Variants in LMTK2 observed in about 807,000 individuals in gnomAD.
LMTK2 encodes lemur tail kinase 2.
Under a neutral mutation model 127.5 loss-of-function variants are expected in LMTK2, and 37 were observed. The observed-to-expected ratio is 0.29, with a 90% CI of 0.22 to 0.38. The LOEUF (loss-of-function observed/expected upper bound fraction) is 0.38, where lower values mean the gene tolerates loss of function less well. LMTK2 is among the 10% of genes least tolerant of loss of function. The pLI is 1.00. For missense variants in LMTK2, 1,694 were observed against 1,920.3 expected, an observed-to-expected ratio of 0.88 and a Z score of 2.20; for synonymous variants, 819 against 810.1, an observed-to-expected ratio of 1.01 and a Z score of -0.19.
At chr7:98,144,751 T>C (rs1796745719) in intron 3 of LMTK2, among the ~76,000 whole-genome samples, 1 of 151,938 alleles carries the variant, frequency 6.6e-6, no homozygotes, top group Non-Finnish European at 1.5e-5. Context: ...TCCTCCTTTT[T>C]TTTTTTTTTT....
intron 1 of LMTK2, among the ~76,000 whole-genome samples, chr7:98,131,314 A>G (rs1796517171): frequency 6.6e-6 from 1 of 152,166 alleles, no homozygotes; most frequent in South Asian, 2.1e-4. Context: ...AATAACATCC[A>G]TATGTTGGAA....
chr7:98,154,691 G>A (rs370092218), intron 4 of LMTK2, 67 bp from the exon 5 acceptor site: 121 of 999,600 alleles, frequency 1.2e-4, no homozygotes, highest in Non-Finnish European at 1.5e-4. Context: ...TCCATTTCCC[G>A]GTAAATGCAG....
intron 11 of LMTK2, among the ~76,000 whole-genome samples, chr7:98,201,015 A>G (rs1440445208): frequency 6.6e-6 from 1 of 151,872 alleles, no homozygotes; most frequent in Non-Finnish European, 1.5e-5. Context: ...AAATTTAACT[A>G]GCTTTTCTTT....
chr7:98,157,268 G>C (rs913840389), intron 5 of LMTK2, among the ~76,000 whole-genome samples: 28 of 148,532 alleles, frequency 1.9e-4, no homozygotes, highest in Non-Finnish European at 3.7e-4. Context: ...TAGGTAGGTA[G>C]GTAGGTAGGT....
At chr7:98,150,788 A>G (rs560407801) in intron 3 of LMTK2, among the ~76,000 whole-genome samples, 1 of 152,350 alleles carries the variant, frequency 6.6e-6, no homozygotes, top group South Asian at 2.1e-4. Flanking sequence ...TGGTTGCATA[A>G]CATTTTAGAA....
Position 98,172,201 on chromosome 7 carries a change from G to T in LMTK2, c.791+527G>T, listed in dbSNP as rs535250350. ...GGGATCCGATCTGATGAGGCCCCCCGCTCCCGGGTGGGTAGTCAGGGGCTG... is the reference window on the plus strand; with the variant it reads ...GGGATCCGATCTGATGAGGCCCCCCTCTCCCGGGTGGGTAGTCAGGGGCTG... On this transcript the variant is annotated intron_variant, in intron 7 of 13. Transcript: ENST00000297293. Among the ~76,000 whole-genome samples, 15 of 152,290 alleles carry T rather than the reference G, an allele frequency of 9.8e-5. No individual in the cohort carries two copies. The South Asian group carries it at 2.9e-3, about 29-fold the overall frequency.
chr7:98,192,274 T>C lies in LMTK2; in HGVS notation c.1809T>C (p.Asp603=), dbSNP rs1797540140. ...TTGAACTTGAGGAGTCCAGTACAGA[T>C]GAGGACTTCTTCCAAAGCAGTACAG... ...RSVELEESST[D]EDFFQSSTDP... The change falls in exon 11 of 14, where the codon GAT becomes GAC. Residue 603 remains aspartate (D), a synonymous_variant. Transcript: ENST00000297293. The C allele has an allele frequency of 6.5e-7, 1 of 1,532,540 alleles. No individual in the cohort carries two copies. The highest frequency in any genetic ancestry group is 8.7e-7 in the Non-Finnish European group (1 of 1,145,558). 94.9% of individuals were successfully genotyped at this position (1,532,540 alleles called of 1,614,324 possible). A position where few individuals can be genotyped will look rare whatever the true frequency, so the allele number is the denominator to read the frequency against.
rs770009417 is a variant in LMTK2 at position 98,171,693 on chromosome 7, G to T, written c.791+19G>T. The T allele has an allele frequency of 6.4e-7, 1 of 1,551,292 alleles. No individual in the cohort carries two copies. The highest frequency in any genetic ancestry group is 8.7e-7 in the Non-Finnish European group (1 of 1,151,742). On this transcript the variant is annotated intron_variant, in intron 7 of 13. Transcript: ENST00000297293. The surrounding 1 kb of genome is among the most constrained non-coding windows in gnomAD (Gnocchi z 5.1). ...TGCACAGGTGGGTACCTGCGTCAGCGGTGCACGCCCCACACAGCACCGGCG... is the reference window on the plus strand; with the variant it reads ...TGCACAGGTGGGTACCTGCGTCAGCTGTGCACGCCCCACACAGCACCGGCG...
Position 98,171,817 on chromosome 7 carries a change from C to A in LMTK2, c.791+143C>A. On this transcript the variant is annotated intron_variant, in intron 7 of 13. Transcript: ENST00000297293. This position sits in a 1 kb window ranked among gnomAD's most constrained non-coding sequence, Gnocchi z 5.1. Reference sequence around the variant, plus strand: ...GTAGGTAGAAGCGATCTCGTTCTTACCCATGTCCGGATAAGGGTTGAGTTG... The same window carrying A: ...GTAGGTAGAAGCGATCTCGTTCTTAACCATGTCCGGATAAGGGTTGAGTTG... 1.1e-6 allele frequency: 1 copy of A among 904,206 alleles called. No individual in the cohort carries two copies. Among genetic ancestry groups the A allele is most frequent in the Non-Finnish European group, 1.6e-6 (1 of 629,002 alleles). The allele number at this position is 904,206 out of a possible 1,614,324, so 56.0% of individuals were successfully genotyped here.
rs373354890 is a variant in LMTK2 at position 98,154,805 on chromosome 7, C to T, written c.498C>T (p.Ile166=). The T allele has an allele frequency of 2.3e-5, 37 of 1,613,724 alleles. No individual in the cohort carries two copies. The East Asian group carries it at 5.3e-4, about 23-fold the overall frequency. The stretch of plus-strand genomic sequence containing the variant: ...CGGGCACTAGCGTAGCAAGAGTCAT[C>T]GTGAAGGAGTTAAAAGCAAGTGCCA... The part of the protein sequence containing the change: ...IYTGTSVARV[I]VKELKASANP... Residue 166 remains isoleucine, a synonymous_variant, in exon 5 of 14, where the codon ATC becomes ATT. Transcript: ENST00000297293.
At position 98,159,894 on chromosome 7, in the gene LMTK2, C is replaced by T. The variant is rs142490214; in HGVS notation, c.657+469C>T. Among the ~76,000 whole-genome samples the T allele has an allele frequency of 2.9e-3, 435 of 152,226 alleles. 2 individuals carry two copies. Among genetic ancestry groups the T allele is most frequent in the African/African-American group, 9.5e-3 (394 of 41,544 alleles). On this transcript the variant is annotated intron_variant, in intron 6 of 13. Transcript: ENST00000297293. ...TCCGTCAGCATCTGAAAATAGCAAA[C>T]GTATGTGACATTTATATGTTTAAAG...
chr7:98,141,758 A>G (rs530383871), intron 3 of LMTK2, among the ~76,000 whole-genome samples: 3 of 152,332 alleles, frequency 2.0e-5, no homozygotes, highest in Admixed American at 6.5e-5. Context: ...GTATGAGAAT[A>G]AAACGAATCT....
At chr7:98,129,070 G>C (rs933527390) in intron 1 of LMTK2, among the ~76,000 whole-genome samples, 1 of 151,988 alleles carries the variant, frequency 6.6e-6, no homozygotes, top group Non-Finnish European at 1.5e-5. Context: ...CCCTGAAAAC[G>C]TAAGTTTATT....
At chr7:98,128,966 A>G (rs1207279142) in intron 1 of LMTK2, among the ~76,000 whole-genome samples, 1 of 152,138 alleles carries the variant, frequency 6.6e-6, no homozygotes, top group African/African-American at 2.4e-5. Context: ...GCATCTCACC[A>G]CTCCAATACA....
intron 5 of LMTK2, among the ~76,000 whole-genome samples, chr7:98,157,525 A>G (rs1287582002): frequency 6.6e-6 from 1 of 151,658 alleles, no homozygotes; most frequent in Non-Finnish European, 1.5e-5. Context: ...CCCTTGCATG[A>G]TTGTTCATAG....
intron 7 of LMTK2, among the ~76,000 whole-genome samples, chr7:98,182,437 C>G (rs1025026931): frequency 6.6e-6 from 1 of 152,122 alleles, no homozygotes; most frequent in Non-Finnish European, 1.5e-5. Flanking sequence ...TGTGTATTTC[C>G]TTCTCCAAAG....
At position 98,107,211 on chromosome 7, in the gene LMTK2, C is replaced by T. The variant is rs1243072176; in HGVS notation, c.34C>T (p.Leu12=). 2 of 1,459,312 alleles carry T rather than the reference C, an allele frequency of 1.4e-6. No individual in the cohort carries two copies. The highest frequency in any genetic ancestry group is 3.0e-5 in the East Asian group (1 of 33,764). The allele number at this position is 1,459,312 out of a possible 1,614,324, so 90.4% of individuals were successfully genotyped here. A position where few individuals can be genotyped will look rare whatever the true frequency, so the allele number is the denominator to read the frequency against. Residue 12 remains leucine (L), a synonymous_variant, in exon 1 of 14, where the codon CTG becomes TTG. Coordinates refer to ENST00000297293, the MANE Select transcript of LMTK2 (RefSeq NM_014916.4). ...PGPPALRRRL[L]LLLLVLLIAG... is the part of the protein sequence containing the mutation. Reference sequence around the variant, plus strand: ...GCCGCCGGCGTTGCGGCGGAGGCTGCTGCTGCTGCTGCTGGTCCTCCTGAT... The same window carrying T: ...GCCGCCGGCGTTGCGGCGGAGGCTGTTGCTGCTGCTGCTGGTCCTCCTGAT...
rs1268255405 is a variant in LMTK2, at chr7:98,204,200, C to T, written c.4483+14C>T. 16 of 1,599,916 alleles carry T rather than the reference C, an allele frequency of 1.0e-5. No homozygotes were observed. The highest frequency in any genetic ancestry group is 3.3e-5 in the Admixed American group (2 of 59,770). On this transcript the variant is annotated intron_variant, in intron 13 of 13. Coordinates refer to ENST00000297293, the MANE Select transcript of LMTK2 (RefSeq NM_014916.4). ...TCGAGCAGGGCGGTGAGAGGCGCTG[C>T]GTGCTGGGGATTGGGAGTGCAGGGT...
At chr7:98,114,543 G>A (rs943375055) in intron 1 of LMTK2, among the ~76,000 whole-genome samples, 1 of 152,106 alleles carries the variant, frequency 6.6e-6, no homozygotes, top group African/African-American at 2.4e-5. Flanking sequence ...CTGCACCTGG[G>A]TAGTTTTAAT....
Sources: gnomAD v4.1 joint callset for allele counts (sites outside exome capture counted in the v4.1 genomes callset) on GRCh38, gnomAD v4.1.1 for gene constraint, Gnocchi (gnomAD v3.1) non-coding constraint, MANE v1.5 for transcripts, NCBI Gene and HGNC (gene_info 2026-07-23, HGNC 2026-07-21) for gene names.